Variants in CBLB observed in about 807,000 individuals in gnomAD.
The protein encoded by CBLB is Cbl proto-oncogene B.
Under a neutral mutation model 104.9 loss-of-function variants are expected in CBLB, and 31 were observed. The ratio of observed to expected loss-of-function variants is 0.30; its 90% CI spans 0.22 to 0.40. The LOEUF (loss-of-function observed/expected upper bound fraction) is 0.40. Ranked by LOEUF, CBLB falls within the 10% of genes least tolerant of loss-of-function variation. CBLB has a pLI of 1.00. For missense variants in CBLB, 1,062 were observed against 1,214.6 expected (o/e 0.87, Z 1.87); for synonymous variants, 440 against 422.6 (o/e 1.04, Z -0.51).
chr3:105,856,487 A>G (rs1216791631), intron 2 of CBLB, among the ~76,000 whole-genome samples: 1 of 151,968 alleles, frequency 6.6e-6, no homozygotes, highest in East Asian at 1.9e-4. Context: ...TGTTTTTCAC[A>G]TTAACCCAGG....
chr3:105,815,525 A>G (rs891372726), intron 3 of CBLB, among the ~76,000 whole-genome samples: 9 of 152,210 alleles, frequency 5.9e-5, no homozygotes, highest in Non-Finnish European at 5.9e-5. Flanking sequence ...TAGAATGGTG[A>G]TCACTAAAAA....
At chr3:105,712,279 T>C (rs2071223595) in intron 10 of CBLB, among the ~76,000 whole-genome samples, 2 of 152,190 alleles carry the variant, frequency 1.3e-5, no homozygotes, top group Admixed American at 6.6e-5. Context: ...TTCTCTTCTC[T>C]TTATGCAAGC....
chr3:105,695,642 T>C (rs1357364011), intron 12 of CBLB, among the ~76,000 whole-genome samples: 1 of 151,868 alleles, frequency 6.6e-6, no homozygotes, highest in Non-Finnish European at 1.5e-5. Flanking sequence ...TCACTTTTTC[T>C]AACTGTTTCA....
chr3:105,663,596 G>T (rs780720429), intron 18 of CBLB, among the ~76,000 whole-genome samples: 1 of 152,086 alleles, frequency 6.6e-6, no homozygotes, highest in East Asian at 1.9e-4. Flanking sequence ...GCCTCCAGTG[G>T]TATAGTGAGT....
intron 3 of CBLB, chr3:105,824,050 C>T (rs2153063810): frequency 6.6e-6 from 1 of 152,374 alleles, no homozygotes; most frequent in Middle Eastern, 3.4e-3. Context: ...TTCTCCAAAA[C>T]TCCTCTGCTT....
At chr3:105,803,998 T>C (rs191863231) in intron 3 of CBLB, among the ~76,000 whole-genome samples, 99 of 152,300 alleles carry the variant, frequency 6.5e-4, no homozygotes, top group African/African-American at 2.3e-3. Context: ...GCTACAACTT[T>C]ATGAAGTTAG....
intron 3 of CBLB, among the ~76,000 whole-genome samples, chr3:105,810,401 A>C (rs111946300): frequency 2.7e-4 from 41 of 152,238 alleles, no homozygotes; most frequent in African/African-American, 9.4e-4. Flanking sequence ...TAAGCAGTTT[A>C]ATATTTATTT....
chr3:105,670,203 T>C, intron 18 of CBLB, 30 bp downstream of exon 18: 1 of 1,580,146 alleles, frequency 6.3e-7, no homozygotes, highest in African/African-American at 1.3e-5. Context: ...AACAATAAGG[T>C]ATTATTGTTA....
chr3:105,853,191 C>G (rs1048236001), intron 3 of CBLB, among the ~76,000 whole-genome samples: 1 of 152,104 alleles, frequency 6.6e-6, no homozygotes, highest in African/African-American at 2.4e-5. Flanking sequence ...TAGGTAATAC[C>G]ATCTAGCTCT....
At chr3:105,710,916 C>T (rs1378504138) in intron 10 of CBLB, among the ~76,000 whole-genome samples, 1 of 151,752 alleles carries the variant, frequency 6.6e-6, no homozygotes, top group Non-Finnish European at 1.5e-5. Context: ...ACAGAAAAAC[C>T]CTAAGAAGTA....
At chr3:105,794,843 T>C (rs1424942349) in intron 3 of CBLB, among the ~76,000 whole-genome samples, 1 of 151,656 alleles carries the variant, frequency 6.6e-6, no homozygotes, top group East Asian at 1.9e-4. Flanking sequence ...GCAATCTTAC[T>C]CCACATATCC....
intron 5 of CBLB, among the ~76,000 whole-genome samples, chr3:105,749,159 A>G (rs1277534444): frequency 2.6e-5 from 4 of 152,220 alleles, no homozygotes; most frequent in African/African-American, 9.6e-5. Context: ...AATCAATTTT[A>G]TCATATTTTA....
At chr3:105,670,416 A>G (rs2064948340) in intron 17 of CBLB, 64 bp from the exon 18 acceptor site, 2 of 1,314,546 alleles carry the variant, frequency 1.5e-6, no homozygotes, top group Non-Finnish European at 2.2e-6. Context: ...GAAGAAAAAA[A>G]TTCTAGAATT....
Position 105,685,441 on chromosome 3 carries a change from G to A in CBLB, c.2080C>T (p.Leu694Phe). 1 of 1,613,454 alleles carries A rather than the reference G, an allele frequency of 6.2e-7. No homozygotes were observed. The highest frequency in any genetic ancestry group is 8.5e-7 in the Non-Finnish European group (1 of 1,179,584). Reference protein sequence around the residue: ...IKCTGPLANSLSEKTRDPVEE... With the variant: ...IKCTGPLANSFSEKTRDPVEE... ...ACTGGGTCTCTTGTTTTCTCTGAAA[G>A]AGAATTTGCTAACGGACCAGTACAC... The change falls in exon 14 of 19, where the codon CTT becomes TTT. Residue 694 changes from leucine (L) to phenylalanine (F), a missense_variant. This residue lies in a region of CBLB where 605 missense variants were observed against 582.6 expected (regional missense o/e 1.04). Coordinates refer to ENST00000394030, the MANE Select transcript of CBLB (RefSeq NM_170662.5).
At chr3:105,869,294 G>T, upstream of CBLB, 1 of 1,049,530 alleles carries the variant, frequency 9.5e-7, no homozygotes, top group Non-Finnish European at 1.3e-6. Flanking sequence ...GTGGAAACGG[G>T]AAAGGAAATG....
chr3:105,695,446 T>A (rs1452273620), intron 12 of CBLB, among the ~76,000 whole-genome samples: 1 of 151,848 alleles, frequency 6.6e-6, no homozygotes, highest in African/African-American at 2.4e-5. Context: ...AGAGTTTGCA[T>A]ATTTTTATGT....
At chr3:105,724,035 T>C (rs560384118) in intron 9 of CBLB, 1 of 167,672 alleles carries the variant, frequency 6.0e-6, no homozygotes, top group South Asian at 2.0e-4. Flanking sequence ...CCTTGCTATA[T>C]TTCATGTAGC....
intron 2 of CBLB, among the ~76,000 whole-genome samples, chr3:105,858,115 A>C (rs1242692322): frequency 1.3e-5 from 2 of 152,200 alleles, no homozygotes; most frequent in African/African-American, 4.8e-5. Context: ...AATAGGCCAG[A>C]GTCAGTTCAT....
intron 10 of CBLB, among the ~76,000 whole-genome samples, chr3:105,708,835 T>A (rs1445928356): frequency 1.3e-5 from 2 of 152,024 alleles, no homozygotes; most frequent in African/African-American, 4.8e-5. Context: ...AAATAAATGC[T>A]GATGTAAAAT....
Sources: allele counts gnomAD v4.1 joint callset (sites outside exome capture counted in the v4.1 genomes callset), GRCh38; gene constraint gnomAD v4.1.1; regional missense constraint gnomAD v4.1.1; transcripts MANE v1.5; gene names NCBI Gene and HGNC (gene_info 2026-07-23, HGNC 2026-07-21).